Variants in PCDH15 observed in about 807,000 individuals in gnomAD.
The protein encoded by PCDH15 is protocadherin related 15.
PCDH15 carries 129 observed loss-of-function variants against 178.5 expected under a neutral mutation model. The ratio of observed to expected loss-of-function variants is 0.72; its 90% CI spans 0.63 to 0.84. PCDH15 has a LOEUF of 0.84. Among genes scored for constraint, PCDH15 ranks in the 40% least tolerant of loss-of-function variants. The pLI is 0.00. For missense variants in PCDH15, 2,230 were observed against 2,099.9 expected (o/e 1.06, Z -1.21); for synonymous variants, 800 against 732.0 (o/e 1.09, Z -1.50).
intron 28 of PCDH15, among the ~76,000 whole-genome samples, chr10:53,852,839 T>C (rs2078477150): frequency 6.6e-6 from 1 of 152,132 alleles, no homozygotes; most frequent in Admixed American, 6.6e-5. Flanking sequence ...ATGGCTTTGA[T>C]GATAACTAAC....
intron 8 of PCDH15, among the ~76,000 whole-genome samples, chr10:54,316,560 ACACACACACACACAC>A (rs142094651): frequency 0.27 from 37,686 of 139,962 alleles, 5,768 homozygotes; most frequent in Middle Eastern, 0.38. Context: ...ACACACACAC[ACACACACACACACAC>A]AAATACACCT....
chr10:53,974,418 T>G (rs1247713593), intron 21 of PCDH15, among the ~76,000 whole-genome samples: 4 of 152,252 alleles, frequency 2.6e-5, no homozygotes, highest in African/African-American at 9.6e-5. Context: ...TAAGTAATAA[T>G]ATACTTATTT....
rs145220093 is a variant in PCDH15, at chr10:55,245,642, G to A, written c.-156+73957C>T. Among the ~76,000 whole-genome samples, 5 of 152,138 alleles carry A rather than the reference G, an allele frequency of 3.3e-5. No homozygotes were observed. The East Asian group carries it at 9.7e-4, about 29-fold the overall frequency. ...TATTTCTGAACCCTCAAACAGAGGC[G>A]AATACTCTGGTAATTACTTCATATA... On this transcript the variant is annotated intron_variant, in intron 1 of 5. Transcript: ENST00000458638.
At chr10:54,330,070 T>A (rs987910350) in intron 6 of PCDH15, among the ~76,000 whole-genome samples, 2 of 151,898 alleles carry the variant, frequency 1.3e-5, no homozygotes, top group Admixed American at 1.3e-4. Context: ...ACCAAAGCAT[T>A]CAAACACTGA....
intron 2 of PCDH15, among the ~76,000 whole-genome samples, chr10:55,033,313 C>T (rs1046470564): frequency 2.0e-5 from 3 of 152,120 alleles, no homozygotes; most frequent in African/African-American, 7.2e-5. Context: ...GCCACAGGCA[C>T]TGAACTCCAA....
chr10:54,877,261 G>A (rs577637931), intron 3 of PCDH15, among the ~76,000 whole-genome samples: 26 of 152,172 alleles, frequency 1.7e-4, no homozygotes, highest in East Asian at 7.7e-4. Flanking sequence ...AAAATTGTGC[G>A]TAACCTCTTT....
chr10:55,296,189 G>T (rs1843127197), intron 1 of PCDH15, among the ~76,000 whole-genome samples: 1 of 152,150 alleles, frequency 6.6e-6, no homozygotes, highest in Non-Finnish European at 1.5e-5. Context: ...CACCTCCATT[G>T]TTCACCAACC....
chr10:55,379,543 A>C (rs1242110930), intron 2 of PCDH15, among the ~76,000 whole-genome samples: 1 of 152,048 alleles, frequency 6.6e-6, no homozygotes, highest in Non-Finnish European at 1.5e-5. Context: ...CCCTTTAAAA[A>C]CACTACTTTA....
At chr10:54,504,555 C>A (rs994636721) in intron 3 of PCDH15, among the ~76,000 whole-genome samples, 1 of 152,064 alleles carries the variant, frequency 6.6e-6, no homozygotes, top group Non-Finnish European at 1.5e-5. Flanking sequence ...TTGAAAATTA[C>A]TTTTGGTATT....
At chr10:55,153,383 T>C (rs1057179906) in intron 2 of PCDH15, among the ~76,000 whole-genome samples, 1 of 152,178 alleles carries the variant, frequency 6.6e-6, no homozygotes, top group African/African-American at 2.4e-5. Context: ...GAGGACAGGC[T>C]GCCTCTCCCA....
chr10:55,588,046 G>A (rs1842762635), intron 2 of PCDH15, among the ~76,000 whole-genome samples: 1 of 152,144 alleles, frequency 6.6e-6, no homozygotes, highest in South Asian at 2.1e-4. Context: ...GGATTAATCT[G>A]GGCTGACCTT....
At chr10:55,572,809 C>T (rs955875370) in intron 2 of PCDH15, among the ~76,000 whole-genome samples, 5 of 151,832 alleles carry the variant, frequency 3.3e-5, no homozygotes, top group Non-Finnish European at 2.9e-5. Context: ...ACAGAGTGTT[C>T]GTGTAAAGTG....
At chr10:54,219,592 C>CAAAAAAAA (rs763785938) in intron 9 of PCDH15, among the ~76,000 whole-genome samples, 7 of 32,374 alleles carry the variant, frequency 2.2e-4, no homozygotes, top group African/African-American at 3.9e-4. Flanking sequence ...GACTCCATCT[C>CAAAAAAAA]AAAAAAAAAA....
intron 2 of PCDH15, among the ~76,000 whole-genome samples, chr10:54,951,703 T>C (rs1838344177): frequency 6.6e-6 from 1 of 151,860 alleles, no homozygotes; most frequent in Non-Finnish European, 1.5e-5. Flanking sequence ...TTACTTTTGC[T>C]TTACATCCAC....
At chr10:55,095,286 C>T (rs566286070) in intron 2 of PCDH15, among the ~76,000 whole-genome samples, 142 of 151,420 alleles carry the variant, frequency 9.4e-4, no homozygotes, top group African/African-American at 2.9e-3. Context: ...TATGATGTCA[C>T]CTTAATAATT....
chr10:55,547,526 T>C (rs946197962), intron 2 of PCDH15, among the ~76,000 whole-genome samples: 1 of 151,922 alleles, frequency 6.6e-6, no homozygotes, highest in African/African-American at 2.4e-5. Context: ...GAGAGCAAGG[T>C]GAGTAAGGTG....
At chr10:55,263,076 G>T (rs1012920851) in intron 1 of PCDH15, among the ~76,000 whole-genome samples, 1 of 151,970 alleles carries the variant, frequency 6.6e-6, no homozygotes, top group South Asian at 2.1e-4. Context: ...TTCCTGTTTC[G>T]ACTGGGTCTC....
chr10:54,423,792 G>A (rs1418899399), intron 3 of PCDH15, among the ~76,000 whole-genome samples: 1 of 151,894 alleles, frequency 6.6e-6, no homozygotes, highest in Non-Finnish European at 1.5e-5. Flanking sequence ...ATGCTGGGTT[G>A]AAAATGTGCT....
At chr10:53,871,451 C>CGTACGT (rs1554838346) in intron 26 of PCDH15, among the ~76,000 whole-genome samples, 1 of 146,804 alleles carries the variant, frequency 6.8e-6, no homozygotes, top group Non-Finnish European at 1.5e-5. Flanking sequence ...TATATTCATA[C>CGTACGT]GTGTGTGTGT....
Sources: gnomAD v4.1 joint callset for allele counts (sites outside exome capture counted in the v4.1 genomes callset) on GRCh38, gnomAD v4.1.1 for gene constraint, MANE v1.5 for transcripts, NCBI Gene and HGNC (gene_info 2026-07-23, HGNC 2026-07-21) for gene names.